OAS3: variants seen among roughly 807,000 people sequenced by gnomAD.
OAS3 encodes the protein 2'-5'-oligoadenylate synthase 3.
Under a neutral mutation model 113.0 loss-of-function variants are expected in OAS3, and 107 were observed. The ratio of observed to expected loss-of-function variants is 0.95; its 90% CI spans 0.81 to 1.11. The LOEUF is 1.11. Among genes scored for constraint, OAS3 ranks in the 50% most tolerant of loss-of-function variants. OAS3 has a pLI of 0.00. For missense variants in OAS3, 1,258 were observed against 1,389.1 expected (o/e 0.91, Z 1.50); for synonymous variants, 552 against 573.6 (o/e 0.96, Z 0.54).
In OAS3 at chr12:112,963,001, G is replaced by A; in HGVS notation, c.2084+99G>A. The A allele has an allele frequency of 6.6e-7, 1 of 1,517,206 alleles. No individual in the cohort carries two copies. The highest frequency in any genetic ancestry group is 2.4e-5 in the East Asian group (1 of 42,284). 94.0% of individuals were successfully genotyped at this position (1,517,206 alleles called of 1,614,324 possible). A position where few individuals can be genotyped will look rare whatever the true frequency, so the allele number is the denominator to read the frequency against. ...AGGAGGAGTCCAAGGTAGGGTTTGG[G>A]GTGGCAATCCCACTCCTCACTCTGC... On this transcript the variant is annotated intron_variant, in intron 9 of 15. Transcript: ENST00000228928. This position sits in a 1 kb window ranked among gnomAD's most constrained non-coding sequence, Gnocchi z 4.6.
intron 7 of OAS3, among the ~76,000 whole-genome samples, chr12:112,955,531 G>A (rs987242390): frequency 1.3e-5 from 2 of 152,122 alleles, no homozygotes; most frequent in Admixed American, 6.5e-5. Context: ...TAGCATGAAG[G>A]GCTGTTGAAT....
At chr12:112,957,809 G>A (rs938690047) in intron 7 of OAS3, among the ~76,000 whole-genome samples, 2 of 152,128 alleles carry the variant, frequency 1.3e-5, no homozygotes, top group African/African-American at 4.8e-5. Flanking sequence ...TGACAATTAT[G>A]TGTCTTGGAG....
At chr12:112,948,462 C>T (rs534837971) in intron 5 of OAS3, among the ~76,000 whole-genome samples, 8 of 133,888 alleles carry the variant, frequency 6.0e-5, no homozygotes, top group African/African-American at 2.3e-4. Context: ...GAGATCACTC[C>T]ATTGCACTCC....
At chr12:112,961,801 CTT>C (rs760022099) in intron 8 of OAS3, among the ~76,000 whole-genome samples, 2 of 146,380 alleles carry the variant, frequency 1.4e-5, no homozygotes, top group Non-Finnish European at 3.0e-5. Flanking sequence ...CTTTCATAGC[CTT>C]TTTTTTTTTT....
At chr12:112,949,255 G>C (rs368625790) in intron 6 of OAS3, 50 bp downstream of exon 6, 193 of 1,518,650 alleles carry the variant, frequency 1.3e-4, no homozygotes, top group Non-Finnish European at 1.7e-4. Flanking sequence ...AGGGATCAGC[G>C]TGGGGAAGGG....
Position 112,942,123 on chromosome 12 carries a change from G to A in OAS3, c.460+271G>A, listed in dbSNP as rs778997582. 2.9e-5 allele frequency: 17 copies of A among 592,364 alleles called. 1 individual carries two copies. In the South Asian group the frequency reaches 3.0e-4, roughly 10 times the overall value. 36.7% of individuals were successfully genotyped at this position (592,364 alleles called of 1,614,324 possible). ...GTTTCCCTCAGCCACTGCCTGGAGC[G>A]GTTACTGCTCAGCCCTTCCACAAAT... On this transcript the variant is annotated intron_variant, in intron 2 of 15. Transcript: ENST00000228928.
chr12:112,965,653 A>G (rs1259954198), intron 11 of OAS3, 91 bp from the exon 12 acceptor site: 5 of 1,211,580 alleles, frequency 4.1e-6, no homozygotes, highest in Non-Finnish European at 5.7e-6. Flanking sequence ...GACTTGTCCA[A>G]GGTCACACAG....
chr12:112,945,315 GAAAAAAA>G (rs372510678), intron 3 of OAS3: 6 of 120,180 alleles, frequency 5.0e-5, no homozygotes, highest in Admixed American at 2.6e-4. Flanking sequence ...CCATCTCAAG[GAAAAAAA>G]AAAAAAAAAA....
Position 112,964,362 on chromosome 12 carries a change from A to T in OAS3, c.2357A>T (p.Glu786Val), listed in dbSNP as rs1240756787. 1.2e-6 allele frequency: 2 copies of T among 1,612,668 alleles called. No homozygotes were observed. Among genetic ancestry groups the T allele is most frequent in the East Asian group, 4.5e-5 (2 of 44,870 alleles). The change falls in exon 11 of 16, where the codon GAA becomes GTA. Residue 786 changes from glutamate to valine, a missense_variant. Physicochemically the swap from Glu to Val is moderately radical, Grantham distance 121. Coordinates refer to ENST00000228928, the MANE Select transcript of OAS3 (RefSeq NM_006187.4). ...AVDTICSFLK[E>V]NCFRNSPIKV... ...GATACCATCTGTTCATTTTTGAAGG[A>T]AAACTGCTTCCGGAATTCTCCCATC...
intron 13 of OAS3, 80 bp from the exon 14 acceptor site, chr12:112,967,844 GTTTTGGGGTTGC>G: frequency 6.9e-7 from 1 of 1,439,532 alleles, no homozygotes; most frequent in Non-Finnish European, 9.3e-7. Flanking sequence ...CTCAATAAAA[GTTTTGGGGTTGC>G]TTTGCCAAGT....
intron 3 of OAS3, among the ~76,000 whole-genome samples, chr12:112,946,125 G>A (rs980768136): frequency 2.0e-5 from 3 of 152,156 alleles, no homozygotes; most frequent in African/African-American, 7.2e-5. Context: ...GGTGAGCGGA[G>A]GGAGTGTGGA....
chr12:112,948,066 G>C lies in OAS3; in HGVS notation c.996G>C (p.Gly332=), dbSNP rs1469635255. Residue 332 remains glycine (G), a synonymous_variant, in exon 5 of 16, where the codon GGG becomes GGC. Coordinates refer to ENST00000228928, the MANE Select transcript of OAS3 (RefSeq NM_006187.4). The part of the protein sequence containing the change: ...SCYDHPCFLR[G]MGDPVQSWKG... Reference sequence around the variant, plus strand: ...ATGACCACCCATGCTTTCTGAGGGGGATGGGGGACCCAGTGCAGTCTTGGA... The same window carrying C: ...ATGACCACCCATGCTTTCTGAGGGGCATGGGGGACCCAGTGCAGTCTTGGA... 6 of 1,575,560 alleles carry C rather than the reference G, an allele frequency of 3.8e-6. No individual in the cohort carries two copies. Among genetic ancestry groups the C allele is most frequent in the Middle Eastern group, 1.7e-4 (1 of 5,904 alleles).
chr12:112,967,729 C>T (rs1036873576), intron 13 of OAS3, 136 bp downstream of exon 13: 11 of 1,109,386 alleles, frequency 9.9e-6, no homozygotes, highest in African/African-American at 1.6e-5. Context: ...TGCTATATCT[C>T]AGCTGTGGGA....
chr12:112,960,907 A>G (rs1414535966), intron 7 of OAS3, among the ~76,000 whole-genome samples, 164 bp from the exon 8 acceptor site: 2 of 152,216 alleles, frequency 1.3e-5, no homozygotes, highest in Admixed American at 6.5e-5. Flanking sequence ...TTGATACTGA[A>G]AAAATGATAG....
chr12:112,966,076 G>A (rs1382908367), intron 12 of OAS3, 47 bp downstream of exon 12: 11 of 1,593,294 alleles, frequency 6.9e-6, no homozygotes, highest in African/African-American at 1.3e-5. Context: ...ACAGAGGCAG[G>A]GCCGCCATGG....
rs918934093 is a variant in OAS3 at position 112,963,191 on chromosome 12, A to C, written c.2085-122A>C. The C allele has an allele frequency of 7.9e-7, 1 of 1,264,570 alleles. No individual in the cohort carries two copies. The highest frequency in any genetic ancestry group is 1.1e-6 in the Non-Finnish European group (1 of 939,146). The allele number at this position is 1,264,570 out of a possible 1,614,324, so 78.3% of individuals were successfully genotyped here. On this transcript the variant is annotated intron_variant, in intron 9 of 15. Coordinates refer to ENST00000228928, the MANE Select transcript of OAS3 (RefSeq NM_006187.4). This position sits in a 1 kb window ranked among gnomAD's most constrained non-coding sequence, Gnocchi z 4.6. ...GAGATCGCTTCTGCACTTGGGCAAG[A>C]CTGAGCCAACCCTGAGGTCCTGACA...
At chr12:112,947,252 G>A (rs2136347082) in intron 4 of OAS3, among the ~76,000 whole-genome samples, 1 of 152,196 alleles carries the variant, frequency 6.6e-6, no homozygotes, top group East Asian at 1.9e-4. Context: ...TCTGATGACT[G>A]TGTGAAGACC....
rs1374271389 is a variant in OAS3 at position 112,965,989 on chromosome 12, G to C, written c.2649G>C (p.Gln883His). The C allele has an allele frequency of 1.2e-6, 2 of 1,614,088 alleles. No homozygotes were observed. The highest frequency in any genetic ancestry group is 1.7e-6 in the Non-Finnish European group (2 of 1,179,908). ...TGACATCCCAGACGATGCTGGACCA[G>C]AGTGTGGACTTTGATGTGCTGCCAG... ...FSLTSQTMLD[Q>H]SVDFDVLPAF... The change falls in exon 12 of 16, where the codon CAG (glutamine) becomes CAC (histidine). Residue 883 changes from glutamine (Q) to histidine (H), a missense_variant. Transcript: ENST00000228928.
chr12:112,941,785 C>G lies in OAS3; in HGVS notation c.393C>G (p.Phe131Leu), dbSNP rs1055619272. 2.5e-6 allele frequency: 4 copies of G among 1,614,012 alleles called. No homozygotes were observed. The Admixed American group carries it at 6.7e-5, about 27-fold the overall frequency. ...AGAGCGTGCCTGGGGCCCTGCAGTT[C>G]CGCCTGACATCCGTAGATCTTGAGG... The part of the protein sequence containing the change: ...PEQSVPGALQ[F>L]RLTSVDLEDW... Residue 131 changes from phenylalanine to leucine, a missense_variant, in exon 2 of 16, where the codon TTC becomes TTG. Coordinates refer to ENST00000228928, the MANE Select transcript of OAS3 (RefSeq NM_006187.4).
Sources: gnomAD v4.1 joint callset for allele counts (sites outside exome capture counted in the v4.1 genomes callset) on GRCh38, gnomAD v4.1.1 for gene constraint, Gnocchi (gnomAD v3.1) non-coding constraint, MANE v1.5 for transcripts, NCBI Gene and HGNC (gene_info 2026-07-23, HGNC 2026-07-21) for gene names.